Variants in TMEM143 observed in about 807,000 individuals in gnomAD.
TMEM143 encodes the protein transmembrane protein 143.
A neutral mutation model predicts 40.3 loss-of-function variants in TMEM143; 45 were observed. The observed-to-expected ratio is 1.12, with a 90% CI of 0.88 to 1.43. TMEM143 has a LOEUF of 1.43. Ranked by LOEUF, TMEM143 falls within the 40% of genes most tolerant of loss-of-function variation. TMEM143 has a pLI of 0.00. For synonymous variants in TMEM143, 299 were observed against 282.7 expected (o/e 1.06, Z -0.58); for missense variants, 620 against 613.4 (o/e 1.01, Z -0.11).
At chr19:48,359,825 C>G in intron 3 of TMEM143, 1 of 437,836 alleles carries the variant, frequency 2.3e-6, no homozygotes. Flanking sequence ...CCCTCTTTAT[C>G]TCACTACTCC....
chr19:48,345,485 A>G, intron 3 of TMEM143, 131 bp from the exon 4 acceptor site: 1 of 434,224 alleles, frequency 2.3e-6, no homozygotes, highest in Non-Finnish European at 3.2e-6. Context: ...ATTGAGATAG[A>G]GTCTCGCTCT....
chr19:48,344,076 G>A (rs1969569959), intron 4 of TMEM143, among the ~76,000 whole-genome samples: 1 of 151,698 alleles, frequency 6.6e-6, no homozygotes, highest in Admixed American at 6.6e-5. Flanking sequence ...TAGTAGAGAT[G>A]GGGTTTCACC....
chr19:48,358,415 A>T (rs2147386590), intron 3 of TMEM143, among the ~76,000 whole-genome samples: 1 of 152,130 alleles, frequency 6.6e-6, no homozygotes, highest in South Asian at 2.1e-4. Context: ...AGAATAAATA[A>T]ATTCATAAAT....
intron 2 of TMEM143, 131 bp from the exon 3 acceptor site, chr19:48,360,307 A>G (rs1970009895): frequency 1.2e-6 from 1 of 864,404 alleles, no homozygotes; most frequent in Non-Finnish European, 1.8e-6. Context: ...GGCTGGGCGC[A>G]GTGTCTCGCA....
At chr19:48,363,225 C>A (rs3826824) in intron 2 of TMEM143, 66 bp downstream of exon 2, 10 of 1,540,690 alleles carry the variant, frequency 6.5e-6, no homozygotes, top group Middle Eastern at 4.4e-4. Flanking sequence ...GCAACTAGGG[C>A]CCTGCCGCCG....
chr19:48,341,058 A>G (rs1467821667), intron 6 of TMEM143, among the ~76,000 whole-genome samples: 1 of 152,158 alleles, frequency 6.6e-6, no homozygotes, highest in Admixed American at 6.5e-5. Flanking sequence ...GGGATTTATT[A>G]CCAGCCTTCC....
intron 3 of TMEM143, among the ~76,000 whole-genome samples, chr19:48,357,105 A>G (rs1969921543): frequency 6.6e-6 from 1 of 150,972 alleles, no homozygotes; most frequent in African/African-American, 2.4e-5. Flanking sequence ...GGGATTCATC[A>G]TGTTGGTCAG....
chr19:48,346,694 C>T (rs929908307), intron 3 of TMEM143, among the ~76,000 whole-genome samples: 24 of 152,110 alleles, frequency 1.6e-4, no homozygotes, highest in African/African-American at 5.8e-4. Flanking sequence ...TCTCCTGCCT[C>T]AGCCTCCCGA....
chr19:48,362,655 C>G (rs182614233), intron 2 of TMEM143, among the ~76,000 whole-genome samples: 3 of 152,132 alleles, frequency 2.0e-5, no homozygotes, highest in African/African-American at 7.2e-5. Flanking sequence ...GAATATGGCA[C>G]CCAAGGGTGC....
chr19:48,346,858 G>A (rs1169944321), intron 3 of TMEM143, among the ~76,000 whole-genome samples: 12 of 152,136 alleles, frequency 7.9e-5, no homozygotes, highest in African/African-American at 2.7e-4. Flanking sequence ...GATTACAGGC[G>A]TGAGCCATCG....
intron 3 of TMEM143, among the ~76,000 whole-genome samples, chr19:48,348,475 C>A (rs1248748128): frequency 6.6e-6 from 1 of 152,180 alleles, no homozygotes; most frequent in Non-Finnish European, 1.5e-5. Flanking sequence ...CTCCCCAAAT[C>A]CTGTAACACA....
In TMEM143 at chr19:48,333,216, T is replaced by C; in HGVS notation, c.*3A>G. 1 of 1,461,056 alleles carries C rather than the reference T, an allele frequency of 6.8e-7. No homozygotes were observed. The highest frequency in any genetic ancestry group is 2.2e-5 in the Admixed American group (1 of 44,748). 90.5% of individuals were successfully genotyped at this position (1,461,056 alleles called of 1,614,324 possible). A position where few individuals can be genotyped will look rare whatever the true frequency, so the allele number is the denominator to read the frequency against. The stretch of plus-strand genomic sequence containing the variant: ...GCTGACTGGGCAGGGAGGTAGGTTC[T>C]ACTCAGGAGATGTTACTGCTGGGCG... On this transcript the variant is annotated 3_prime_UTR_variant, in exon 8 of 8. Transcript: ENST00000293261. The surrounding 1 kb of genome is among the most constrained non-coding windows in gnomAD (Gnocchi z 4.1).
At position 48,339,069 on chromosome 19, in the gene TMEM143, G is replaced by A. The variant is rs150019350; in HGVS notation, c.975+3461C>T. On this transcript the variant is annotated intron_variant, in intron 6 of 7. Transcript: ENST00000293261. Reference sequence around the variant, plus strand: ...GTGTCCAGTGAGGCTGGGAAGCAGGGTCCCTGGTGCCAGGCTGTGCCCAGA... The same window carrying A: ...GTGTCCAGTGAGGCTGGGAAGCAGGATCCCTGGTGCCAGGCTGTGCCCAGA... Among the ~76,000 whole-genome samples the A allele has an allele frequency of 3.8e-3, 577 of 151,770 alleles. 2 individuals are homozygous for A. Among genetic ancestry groups the A allele is most frequent in the African/African-American group, 0.013 (529 of 41,178 alleles).
At chr19:48,362,058 G>GCATA (rs1970053740) in intron 2 of TMEM143, among the ~76,000 whole-genome samples, 1 of 144,624 alleles carries the variant, frequency 6.9e-6, no homozygotes, top group Admixed American at 6.7e-5. Context: ...ATATATTTGT[G>GCATA]TGTGCGTGTA....
intron 6 of TMEM143, among the ~76,000 whole-genome samples, chr19:48,340,999 C>T (rs984895336): frequency 6.6e-6 from 1 of 152,180 alleles, no homozygotes; most frequent in African/African-American, 2.4e-5. Flanking sequence ...CTCTGTTGGC[C>T]CAAGTATGCC....
In TMEM143 at chr19:48,345,148, G is replaced by T; in HGVS notation, c.564+12C>A. The T allele has an allele frequency of 6.2e-7, 1 of 1,611,776 alleles. No homozygotes were observed. On this transcript the variant is annotated intron_variant, in intron 4 of 7. Coordinates refer to ENST00000293261, the MANE Select transcript of TMEM143 (RefSeq NM_018273.4). Reference sequence around the variant, plus strand: ...CCTCCTGGGAGTTTTGTTCTCCTAGGGAGCCAAGTACCTGGACCTCATCCT... The same window carrying T: ...CCTCCTGGGAGTTTTGTTCTCCTAGTGAGCCAAGTACCTGGACCTCATCCT...
At chr19:48,359,724 G>T (rs1687305539) in intron 3 of TMEM143, among the ~76,000 whole-genome samples, 1 of 151,880 alleles carries the variant, frequency 6.6e-6, no homozygotes, top group Admixed American at 6.6e-5. Flanking sequence ...AGCCAGGATG[G>T]TCTCGATCTC....
chr19:48,342,687 G>A lies in TMEM143; in HGVS notation c.818C>T (p.Thr273Met), dbSNP rs138056528. The change falls in exon 6 of 8, where the codon ACG becomes ATG. Residue 273 changes from threonine (T) to methionine (M), a missense_variant. Thr to Met is a moderately conservative substitution (Grantham distance 81, BLOSUM62 -1). Transcript: ENST00000293261. ...EQLLPELKVR[T>M]PTLQRALLNL... ...GAGCAGGGCGCGCTGCAGGGTGGGC[G>A]TGCGCACCTTCAGCTCCGGCAGCAG... The A allele has an allele frequency of 4.7e-4, 757 of 1,614,128 alleles. 11 individuals carry two copies. The Admixed American group carries it at 0.011, about 24-fold the overall frequency.
At position 48,363,885 on chromosome 19, in the gene TMEM143, A is replaced by G; in HGVS notation, c.23+13T>C. 6.2e-7 allele frequency: 1 copy of G among 1,613,690 alleles called. No homozygotes were observed. Among genetic ancestry groups the G allele is most frequent in the African/African-American group, 1.3e-5 (1 of 74,952 alleles). On this transcript the variant is annotated intron_variant, in intron 1 of 7. Transcript: ENST00000293261. ...CCCTCCCTGGCCATGCAATCCCCCG[A>G]TTTCTCCCTCACCTTAGCCAAAGCT...
Sources: gnomAD v4.1 joint callset for allele counts (sites outside exome capture counted in the v4.1 genomes callset) on GRCh38, gnomAD v4.1.1 for gene constraint, Gnocchi (gnomAD v3.1) non-coding constraint, MANE v1.5 for transcripts, NCBI Gene and HGNC (gene_info 2026-07-23, HGNC 2026-07-21) for gene names.